The following ANKRD11 variants were observed in gnomAD, a reference collection of about 807,000 sequenced individuals.
The protein encoded by ANKRD11 is ankyrin repeat domain-containing protein 11.
Under a neutral mutation model 195.7 loss-of-function variants are expected in ANKRD11, and 17 were observed. The ratio of observed to expected loss-of-function variants is 0.09; its 90% CI spans 0.06 to 0.13. The LOEUF (loss-of-function observed/expected upper bound fraction) is 0.13, where lower values mean the gene tolerates loss of function less well. ANKRD11 is among the 10% of genes least tolerant of loss of function. ANKRD11 has a pLI of 1.00. For synonymous variants in ANKRD11, 1,953 were observed against 1,528.1 expected, an observed-to-expected ratio of 1.28 and a Z score of -6.49; for missense variants, 3,735 against 3,566.1, an observed-to-expected ratio of 1.05 and a Z score of -1.21.
intron 2 of ANKRD11, among the ~76,000 whole-genome samples, chr16:89,334,889 T>A (rs949287484): frequency 6.6e-6 from 1 of 151,886 alleles, no homozygotes; most frequent in Non-Finnish European, 1.5e-5. Flanking sequence ...CACGAGTGTG[T>A]CTGCTGTGGC....
chr16:89,316,087 A>T (rs946159902), intron 3 of ANKRD11, among the ~76,000 whole-genome samples: 2 of 152,068 alleles, frequency 1.3e-5, no homozygotes, highest in Non-Finnish European at 2.9e-5. Context: ...AGGAGCAAGG[A>T]GGCACGAGGA....
intron 2 of ANKRD11, among the ~76,000 whole-genome samples, chr16:89,334,539 A>G (rs1017455688): frequency 1.3e-5 from 2 of 152,102 alleles, no homozygotes; most frequent in Non-Finnish European, 2.9e-5. Flanking sequence ...CACCCCACCC[A>G]TGTGGGCAGT....
intron 1 of ANKRD11, among the ~76,000 whole-genome samples, chr16:89,423,417 C>T (rs1262799198): frequency 2.0e-5 from 3 of 152,228 alleles, no homozygotes; most frequent in Admixed American, 6.5e-5. Context: ...TCCCACAGAA[C>T]GGCCCGCAGT....
chr16:89,483,998 A>C (rs1334488636), intron 1 of ANKRD11, among the ~76,000 whole-genome samples: 1 of 152,040 alleles, frequency 6.6e-6, no homozygotes, highest in Non-Finnish European at 1.5e-5. Context: ...AAGTCTAAAA[A>C]TTCCTTGAAA....
chr16:89,462,914 C>G (rs1246645554), intron 1 of ANKRD11, among the ~76,000 whole-genome samples: 1 of 151,540 alleles, frequency 6.6e-6, no homozygotes, highest in African/African-American at 2.4e-5. Context: ...GTCAGCCCCC[C>G]GCCCAGCTGC....
At chr16:89,320,154 T>A (rs953483033) in intron 2 of ANKRD11, 2 of 152,296 alleles carry the variant, frequency 1.3e-5, no homozygotes, top group African/African-American at 4.8e-5. Context: ...CTGGCAGGGC[T>A]GTCACATAAA....
chr16:89,485,655 A>G (rs1361298477), intron 1 of ANKRD11, among the ~76,000 whole-genome samples: 1 of 152,200 alleles, frequency 6.6e-6, no homozygotes, highest in Non-Finnish European at 1.5e-5. Flanking sequence ...TAGTCTTTAA[A>G]AAGCAAACTT....
chr16:89,331,929 C>G lies in ANKRD11; in HGVS notation c.-59-14851G>C, dbSNP rs545250556. The stretch of plus-strand genomic sequence containing the variant: ...GCACGTGGGCCCCACATGCTGGGAA[C>G]CGTCATCACCACTGTGTTCACCACA... On this transcript the variant is annotated intron_variant, in intron 2 of 12. Transcript: ENST00000301030. 3.3e-5 allele frequency among the ~76,000 whole-genome samples: 5 copies of G among 152,268 alleles called. 1 individual carries two copies. The East Asian group carries it at 9.6e-4, about 29-fold the overall frequency.
chr16:89,371,869 A>G (rs2040208148), intron 2 of ANKRD11, among the ~76,000 whole-genome samples: 1 of 152,232 alleles, frequency 6.6e-6, no homozygotes, highest in Admixed American at 6.5e-5. Context: ...AAAGGGAGGT[A>G]GACCTGGTGA....
chr16:89,383,068 T>C (rs2040733015), intron 2 of ANKRD11, among the ~76,000 whole-genome samples: 1 of 152,202 alleles, frequency 6.6e-6, no homozygotes, highest in South Asian at 2.1e-4. Context: ...ACCTCTCTCG[T>C]CTGGATTCAA....
At chr16:89,476,436 G>T (rs767603849) in intron 1 of ANKRD11, among the ~76,000 whole-genome samples, 1 of 152,156 alleles carries the variant, frequency 6.6e-6, no homozygotes, top group African/African-American at 2.4e-5. Context: ...GCTTTGTAAC[G>T]ATATCATTTA....
intron 2 of ANKRD11, among the ~76,000 whole-genome samples, chr16:89,327,430 G>GTC (rs2037795227): frequency 6.6e-6 from 1 of 152,150 alleles, no homozygotes; most frequent in Non-Finnish European, 1.5e-5. Context: ...GAATAAAACT[G>GTC]TCTCTCTCTG....
intron 1 of ANKRD11, among the ~76,000 whole-genome samples, chr16:89,469,566 T>C (rs1000503024): frequency 7.9e-5 from 12 of 151,696 alleles, no homozygotes; most frequent in Non-Finnish European, 1.2e-4. Flanking sequence ...CTGGAGATTC[T>C]AGTCCAAGAG....
chr16:89,432,056 T>C (rs957559597), intron 1 of ANKRD11, among the ~76,000 whole-genome samples: 9 of 152,092 alleles, frequency 5.9e-5, no homozygotes, highest in African/African-American at 2.2e-4. Context: ...AGTATTTCTT[T>C]ACCTACATCA....
Position 89,388,293 on chromosome 16 carries a change from A to ATTT in ANKRD11, c.-60+29988_-60+29990dup, listed in dbSNP as rs71134215. Reference sequence around the variant, plus strand: ...GTGCTCTCTTCTCTCCATGAGGCTGATTTTTTTTTTTTTTTTTTTTTTGAG... The same window carrying ATTT: ...GTGCTCTCTTCTCTCCATGAGGCTGATTTTTTTTTTTTTTTTTTTTTTTTTGAG... On this transcript the variant is annotated intron_variant, in intron 2 of 12. Coordinates refer to ENST00000301030, the MANE Select transcript of ANKRD11 (RefSeq NM_013275.6). Among the ~76,000 whole-genome samples, 40 of 85,294 alleles carry ATTT rather than the reference A, an allele frequency of 4.7e-4. 2 individuals are homozygous for ATTT. In the East Asian group the frequency reaches 5.7e-3, roughly 12 times the overall value. 56.0% of individuals were successfully genotyped at this position (85,294 alleles called of 152,430 possible). A position where few individuals can be genotyped will look rare whatever the true frequency, so the allele number is the denominator to read the frequency against.
intron 1 of ANKRD11, chr16:89,489,031 C>A (rs1304704796): frequency 6.6e-6 from 1 of 152,190 alleles, no homozygotes; most frequent in African/African-American, 2.4e-5. Context: ...TGATATATAA[C>A]ACTAACCTTC....
chr16:89,380,776 C>T (rs1044934762), intron 2 of ANKRD11, among the ~76,000 whole-genome samples: 5 of 152,212 alleles, frequency 3.3e-5, no homozygotes, highest in Admixed American at 1.3e-4. Context: ...ATCTCCTGCA[C>T]GGGCAGCAGG....
At chr16:89,448,037 TC>T (rs1157709644) in intron 1 of ANKRD11, among the ~76,000 whole-genome samples, 2 of 150,804 alleles carry the variant, frequency 1.3e-5, no homozygotes, top group Non-Finnish European at 3.0e-5. Flanking sequence ...ACTCCTGACC[TC>T]AGGTGATCCG....
intron 2 of ANKRD11, among the ~76,000 whole-genome samples, chr16:89,326,462 G>C (rs2037726645): frequency 6.6e-6 from 1 of 151,156 alleles, no homozygotes; most frequent in African/African-American, 2.4e-5. Context: ...TACACAAATA[G>C]GGCCAGGCAC....
Sources: allele counts gnomAD v4.1 joint callset (sites outside exome capture counted in the v4.1 genomes callset), GRCh38; gene constraint gnomAD v4.1.1; transcripts MANE v1.5; gene names NCBI Gene and HGNC (gene_info 2026-07-23, HGNC 2026-07-21).